The following TRAPPC12 variants were observed in gnomAD, a reference collection of about 807,000 sequenced individuals.
TRAPPC12 encodes TPR repeat protein 15.
In TRAPPC12, 61 loss-of-function variants were observed where a neutral mutation model predicts 69.2. That is an observed-to-expected ratio of 0.88 (90% CI 0.72 to 1.09). TRAPPC12 has a LOEUF of 1.09. Ranked by LOEUF, TRAPPC12 falls within the 50% of genes least tolerant of loss-of-function variation. The probability of loss-of-function intolerance (pLI) is 0.00; values close to 1 mark genes in which losing one functional copy is unlikely to be tolerated. For synonymous variants in TRAPPC12, 469 were observed against 438.9 expected, an observed-to-expected ratio of 1.07 and a Z score of -0.86; for missense variants, 1,101 against 1,016.4, an observed-to-expected ratio of 1.08 and a Z score of -1.13.
intron 10 of TRAPPC12, chr2:3,478,068 G>A: frequency 3.5e-6 from 1 of 284,516 alleles, no homozygotes. Flanking sequence ...GTATGTGTGT[G>A]TAAAGGTCAC....
chr2:3,413,157 G>T (rs1235450687), intron 3 of TRAPPC12, among the ~76,000 whole-genome samples: 2 of 152,128 alleles, frequency 1.3e-5, no homozygotes, highest in African/African-American at 4.8e-5. Flanking sequence ...ATAAAAACTG[G>T]CAGTTTCCTT....
chr2:3,439,598 G>A (rs1664083464), intron 5 of TRAPPC12, among the ~76,000 whole-genome samples: 1 of 152,204 alleles, frequency 6.6e-6, no homozygotes, highest in Non-Finnish European at 1.5e-5. Flanking sequence ...TTCTTTATCA[G>A]ATAGGTGTTT....
chr2:3,380,299 C>T (rs1181094325), intron 1 of TRAPPC12, among the ~76,000 whole-genome samples: 3 of 152,124 alleles, frequency 2.0e-5, no homozygotes, highest in African/African-American at 7.2e-5. Context: ...AAAGAGGTTA[C>T]TAATGACCTG....
intron 9 of TRAPPC12, among the ~76,000 whole-genome samples, chr2:3,469,452 C>T (rs1457413083): frequency 6.6e-6 from 1 of 152,206 alleles, no homozygotes; most frequent in African/African-American, 2.4e-5. Context: ...GTGGAATCCG[C>T]AGTGGCTGCT....
chr2:3,424,412 C>A, intron 4 of TRAPPC12, 113 bp from the exon 5 acceptor site: 1 of 885,520 alleles, frequency 1.1e-6, no homozygotes, highest in Non-Finnish European at 1.7e-6. Context: ...GTTAGGTTAG[C>A]CCTTATTTTA....
chr2:3,443,942 G>GCCCTCCCCA, intron 6 of TRAPPC12, 51 bp downstream of exon 6: 1 of 1,389,248 alleles, frequency 7.2e-7, no homozygotes, highest in Non-Finnish European at 1.0e-6. Flanking sequence ...TGCCCTCCAC[G>GCCCTCCCCA]CCCTCCCCAC....
At chr2:3,438,746 G>C (rs1382658404) in intron 5 of TRAPPC12, among the ~76,000 whole-genome samples, 4 of 152,020 alleles carry the variant, frequency 2.6e-5, no homozygotes, top group Non-Finnish European at 5.9e-5. Context: ...GGGTTCCGCT[G>C]TCTTTTTCTG....
intron 1 of TRAPPC12, among the ~76,000 whole-genome samples, chr2:3,386,947 A>T (rs990573219): frequency 1.3e-5 from 2 of 152,238 alleles, no homozygotes; most frequent in African/African-American, 2.4e-5. Flanking sequence ...CAAACGGTTC[A>T]GCCACTATGA....
At chr2:3,455,870 A>C (rs528205112) in intron 6 of TRAPPC12, 2 of 152,306 alleles carry the variant, frequency 1.3e-5, no homozygotes. Flanking sequence ...GTATATATCT[A>C]GGCATGGATT....
intron 3 of TRAPPC12, among the ~76,000 whole-genome samples, chr2:3,409,750 TAAAAAAA>T (rs71396989): frequency 0.037 from 2,033 of 54,904 alleles, 106 homozygotes; most frequent in East Asian, 0.29. Context: ...ACTTTGTCTT[TAAAAAAA>T]AAAAAAAAAA....
At chr2:3,468,539 G>C (rs115866189) in intron 9 of TRAPPC12, among the ~76,000 whole-genome samples, 1,806 of 152,266 alleles carry the variant, frequency 0.012, 50 homozygotes, top group South Asian at 0.089. Flanking sequence ...CGCTGTAAGC[G>C]TAACTTGCTG....
chr2:3,420,895 C>T (rs900687834), intron 3 of TRAPPC12, among the ~76,000 whole-genome samples: 2 of 152,162 alleles, frequency 1.3e-5, no homozygotes, highest in African/African-American at 4.8e-5. Flanking sequence ...AACTTCTTGT[C>T]AGAGAAGCGC....
At chr2:3,385,750 C>A (rs1660459975) in intron 1 of TRAPPC12, among the ~76,000 whole-genome samples, 1 of 152,224 alleles carries the variant, frequency 6.6e-6, no homozygotes, top group Admixed American at 6.5e-5. Context: ...GAAATCAATT[C>A]TTATTTCTAA....
chr2:3,463,904 AG>A (rs1166101079), intron 8 of TRAPPC12, among the ~76,000 whole-genome samples: 3 of 152,082 alleles, frequency 2.0e-5, no homozygotes, highest in Non-Finnish European at 4.4e-5. Context: ...AGAGAAGCCT[AG>A]GGGGGCAGCT....
intron 6 of TRAPPC12, among the ~76,000 whole-genome samples, chr2:3,448,232 T>C (rs1054762692): frequency 6.6e-6 from 1 of 152,234 alleles, no homozygotes; most frequent in Non-Finnish European, 1.5e-5. Context: ...GGAGCCTGGC[T>C]GAGCCCCATC....
chr2:3,421,761 G>A (rs1025529896), intron 3 of TRAPPC12, 120 bp from the exon 4 acceptor site: 64 of 881,792 alleles, frequency 7.3e-5, no homozygotes, highest in Middle Eastern at 2.1e-4. Flanking sequence ...CATTACTAAC[G>A]GCTGGCTGGC....
At chr2:3,433,366 G>C (rs1304824306) in intron 5 of TRAPPC12, among the ~76,000 whole-genome samples, 1 of 152,212 alleles carries the variant, frequency 6.6e-6, no homozygotes, top group African/African-American at 2.4e-5. Flanking sequence ...GTTAAAATTG[G>C]GCAAAGGGTC....
intron 2 of TRAPPC12, among the ~76,000 whole-genome samples, chr2:3,390,858 T>G (rs1660784140): frequency 6.6e-6 from 1 of 152,188 alleles, no homozygotes; most frequent in Admixed American, 6.5e-5. Flanking sequence ...ATGGAAGATC[T>G]CTATACCCGC....
intron 3 of TRAPPC12, among the ~76,000 whole-genome samples, chr2:3,418,711 G>A (rs984152762): frequency 6.6e-6 from 1 of 152,150 alleles, no homozygotes; most frequent in African/African-American, 2.4e-5. Flanking sequence ...CAAAGGATGT[G>A]CACAGATTGC....
Sources: allele counts gnomAD v4.1 joint callset (sites outside exome capture counted in the v4.1 genomes callset), GRCh38; gene constraint gnomAD v4.1.1; transcripts MANE v1.5; gene names NCBI Gene and HGNC (gene_info 2026-07-23, HGNC 2026-07-21).